The following ENTREP2 variants were observed in gnomAD, a reference collection of about 807,000 sequenced individuals.
The protein encoded by ENTREP2 is endosomal transmembrane epsin interactor 2.
the ENTREP2 span, among the ~76,000 whole-genome samples, chr15:29,581,944 T>G: frequency 4.5e-4 from 7 of 15,660 alleles, no homozygotes; most frequent in South Asian, 4.7e-3. Context: ...ATATGCTGGT[T>G]TTTTTTTTTT....
At chr15:29,409,730 G>A in the ENTREP2 span, among the ~76,000 whole-genome samples, 1 of 152,036 alleles carries the variant, frequency 6.6e-6, no homozygotes, top group South Asian at 2.1e-4. Context: ...CCGAGTAGCT[G>A]GGACTTCAGG....
the ENTREP2 span, chr15:29,269,477 C>A: frequency 8.1e-6 from 13 of 1,611,332 alleles, no homozygotes; most frequent in Non-Finnish European, 1.1e-5. Context: ...CTGGGCCCCA[C>A]GGCGGGGGCG....
chr15:29,402,320 A>G, the ENTREP2 span, among the ~76,000 whole-genome samples: 35,184 of 125,978 alleles, frequency 0.28, 5,020 homozygotes, highest in Middle Eastern at 0.41. Flanking sequence ...GTGTGTGTGT[A>G]TATATGTATA....
the ENTREP2 span, among the ~76,000 whole-genome samples, chr15:29,549,874 A>C: frequency 6.6e-6 from 1 of 152,164 alleles, no homozygotes; most frequent in African/African-American, 2.4e-5. Context: ...CTCCTGAAAC[A>C]ATCTCTGTGT....
the ENTREP2 span, among the ~76,000 whole-genome samples, chr15:29,576,045 A>G: frequency 4.6e-5 from 7 of 152,232 alleles, no homozygotes; most frequent in Admixed American, 1.3e-4. Context: ...GAAAAAGAAC[A>G]AAGTTGAAAG....
the ENTREP2 span, among the ~76,000 whole-genome samples, chr15:29,253,391 T>G: frequency 1.3e-5 from 2 of 152,056 alleles, no homozygotes; most frequent in African/African-American, 4.8e-5. Context: ...TGTAATTTGG[T>G]GATTAAATAC....
At chr15:29,394,743 C>A in the ENTREP2 span, among the ~76,000 whole-genome samples, 2 of 152,212 alleles carry the variant, frequency 1.3e-5, no homozygotes, top group Middle Eastern at 3.4e-3. Context: ...TTCCCTCCCC[C>A]ACTCTAGCCC....
At chr15:29,148,879 ATT>A in the ENTREP2 span, among the ~76,000 whole-genome samples, 3 of 142,626 alleles carry the variant, frequency 2.1e-5, no homozygotes, top group African/African-American at 5.1e-5. Context: ...TTTTTTTTTA[ATT>A]TTTTTTTTTT....
At chr15:29,520,244 A>T in the ENTREP2 span, among the ~76,000 whole-genome samples, 1 of 152,224 alleles carries the variant, frequency 6.6e-6, no homozygotes, top group Admixed American at 6.5e-5. Context: ...CAAATTGAAG[A>T]ATAGTTCTAG....
chr15:29,223,397 C>T, the ENTREP2 span, among the ~76,000 whole-genome samples: 1 of 152,128 alleles, frequency 6.6e-6, no homozygotes, highest in Non-Finnish European at 1.5e-5. Flanking sequence ...GAAAGGTGCC[C>T]AGCTCCAATG....
At chr15:29,159,098 G>A in the ENTREP2 span, among the ~76,000 whole-genome samples, 19 of 152,322 alleles carry the variant, frequency 1.2e-4, no homozygotes, top group African/African-American at 4.1e-4. Flanking sequence ...CTTCAAGAAC[G>A]AAGCTGTGGA....
chr15:29,496,951 G>C, the ENTREP2 span, among the ~76,000 whole-genome samples: 1 of 152,148 alleles, frequency 6.6e-6, no homozygotes, highest in Non-Finnish European at 1.5e-5. Flanking sequence ...GCTATGGTTT[G>C]AATATGCCCT....
chr15:29,387,301 T>A, the ENTREP2 span, among the ~76,000 whole-genome samples: 3 of 152,328 alleles, frequency 2.0e-5, no homozygotes, highest in East Asian at 3.9e-4. Context: ...TGGATTACAT[T>A]TATTGATTTG....
the ENTREP2 span, among the ~76,000 whole-genome samples, chr15:29,387,846 C>T: frequency 6.6e-6 from 1 of 152,060 alleles, no homozygotes; most frequent in Non-Finnish European, 1.5e-5. Context: ...CTTTGACAAA[C>T]CTGACAAAAA....
chr15:29,160,175 C>T, the ENTREP2 span, among the ~76,000 whole-genome samples: 10 of 152,318 alleles, frequency 6.6e-5, no homozygotes, highest in East Asian at 1.9e-4. Flanking sequence ...ACTCCCAGTG[C>T]GGGGCCGCGG....
the ENTREP2 span, among the ~76,000 whole-genome samples, chr15:29,486,593 G>A: frequency 1.3e-5 from 2 of 152,188 alleles, no homozygotes; most frequent in African/African-American, 4.8e-5. Context: ...AGGAGGCAGA[G>A]GCAAGAGAAT....
At chr15:29,590,683 C>CA in the ENTREP2 span, among the ~76,000 whole-genome samples, 32,961 of 75,432 alleles carry the variant, frequency 0.44, 8,036 homozygotes, top group Non-Finnish European at 0.55. Flanking sequence ...GACTCCGTCT[C>CA]AAAAAAAAAA....
the ENTREP2 span, among the ~76,000 whole-genome samples, chr15:29,386,747 G>A: frequency 2.2e-4 from 33 of 152,280 alleles, no homozygotes; most frequent in South Asian, 6.2e-3. Context: ...AGGAGAAAGC[G>A]AGCTCTCACG....
chr15:29,291,328 C>G, the ENTREP2 span, among the ~76,000 whole-genome samples: 1 of 152,206 alleles, frequency 6.6e-6, no homozygotes, highest in Non-Finnish European at 1.5e-5. Context: ...CTTAGCTGTA[C>G]TAGACATCCT....
Sources: allele counts gnomAD v4.1 joint callset (sites outside exome capture counted in the v4.1 genomes callset), GRCh38; gene constraint gnomAD v4.1.1; transcripts MANE v1.5; gene names NCBI Gene and HGNC (gene_info 2026-07-23, HGNC 2026-07-21).